The following PCDH9 variants were observed in gnomAD, a reference collection of about 807,000 sequenced individuals.
PCDH9 encodes the protein protocadherin-9.
In PCDH9, 24 loss-of-function variants were observed where a neutral mutation model predicts 70.6. That is an observed-to-expected ratio of 0.34 (90% CI 0.25 to 0.48). The LOEUF (loss-of-function observed/expected upper bound fraction) is 0.48. Among genes scored for constraint, PCDH9 ranks in the 20% least tolerant of loss-of-function variants. The pLI, the probability that PCDH9 is intolerant of heterozygous loss-of-function variation, is 0.99. For missense variants in PCDH9, 1,281 were observed against 1,503.6 expected (o/e 0.85, Z 2.45); for synonymous variants, 562 against 558.5 (o/e 1.01, Z -0.09).
intron 4 of PCDH9, among the ~76,000 whole-genome samples, chr13:66,388,034 A>G (rs1956959292): frequency 6.6e-6 from 1 of 152,180 alleles, no homozygotes; most frequent in African/African-American, 2.4e-5. Flanking sequence ...AATCCCTTGG[A>G]ATACGTATCT....
intron 2 of PCDH9, among the ~76,000 whole-genome samples, chr13:66,981,205 C>G (rs7986875): frequency 0.99 from 150,953 of 152,254 alleles, 74,843 homozygotes; most frequent in East Asian, 1. Context: ...TCGGGAGGCC[C>G]AGGCGGGCGG....
intron 4 of PCDH9, among the ~76,000 whole-genome samples, chr13:66,538,415 T>C (rs1277840658): frequency 6.6e-6 from 1 of 152,170 alleles, no homozygotes; most frequent in African/African-American, 2.4e-5. Flanking sequence ...CATTTCCCGA[T>C]TCTTCAATAT....
intron 4 of PCDH9, among the ~76,000 whole-genome samples, chr13:66,388,345 G>GT (rs758015197): frequency 2.3e-4 from 35 of 151,986 alleles, no homozygotes; most frequent in Non-Finnish European, 4.9e-4. Flanking sequence ...ACTGATTTTA[G>GT]TTTTTTTCAT....
chr13:66,434,261 A>C (rs1957827410), intron 4 of PCDH9, among the ~76,000 whole-genome samples: 1 of 151,934 alleles, frequency 6.6e-6, no homozygotes, highest in African/African-American at 2.4e-5. Context: ...CTTACAAACA[A>C]AAACCAGGGA....
intron 4 of PCDH9, among the ~76,000 whole-genome samples, chr13:66,356,016 T>C (rs936888096): frequency 6.6e-6 from 1 of 152,076 alleles, no homozygotes; most frequent in African/African-American, 2.4e-5. Flanking sequence ...AAAAAAATTA[T>C]TAAATAAGAT....
intron 2 of PCDH9, among the ~76,000 whole-genome samples, chr13:67,150,756 C>G (rs1015589772): frequency 1.3e-5 from 2 of 152,180 alleles, no homozygotes; most frequent in African/African-American, 4.8e-5. Context: ...GTAACTTGTA[C>G]TCGCCCTTTG....
chr13:66,909,254 T>C (rs1241939836), intron 2 of PCDH9, among the ~76,000 whole-genome samples: 2 of 151,950 alleles, frequency 1.3e-5, no homozygotes, highest in Non-Finnish European at 2.9e-5. Context: ...AGTTGAAAGA[T>C]CTTTACAAGA....
At chr13:66,483,012 A>C (rs1958868674) in intron 4 of PCDH9, among the ~76,000 whole-genome samples, 2 of 152,178 alleles carry the variant, frequency 1.3e-5, no homozygotes, top group Admixed American at 1.3e-4. Flanking sequence ...TTTGCTTTGG[A>C]ATTCATGGCC....
At chr13:66,505,243 T>C (rs930290730) in intron 4 of PCDH9, among the ~76,000 whole-genome samples, 2 of 152,188 alleles carry the variant, frequency 1.3e-5, no homozygotes, top group African/African-American at 4.8e-5. Flanking sequence ...AAGACATACA[T>C]GAGACTGGGT....
chr13:66,719,422 A>T (rs1483222470), intron 3 of PCDH9, among the ~76,000 whole-genome samples: 1 of 152,148 alleles, frequency 6.6e-6, no homozygotes, highest in African/African-American at 2.4e-5. Context: ...TAGTGTTATT[A>T]TGAAAGAGAT....
intron 4 of PCDH9, among the ~76,000 whole-genome samples, chr13:66,387,479 G>A (rs1593896236): frequency 6.6e-6 from 1 of 151,458 alleles, no homozygotes; most frequent in East Asian, 2.0e-4. Flanking sequence ...CCCCATGAAC[G>A]GCTTGGTGCC....
At chr13:66,779,879 G>A (rs1168508439) in intron 3 of PCDH9, among the ~76,000 whole-genome samples, 5 of 124,992 alleles carry the variant, frequency 4.0e-5, no homozygotes, top group East Asian at 2.2e-4. Flanking sequence ...ATATATGTGT[G>A]TGTGTGTGTG....
chr13:66,631,045 A>G (rs2077564545), intron 4 of PCDH9, among the ~76,000 whole-genome samples, 165 bp downstream of exon 4: 1 of 152,212 alleles, frequency 6.6e-6, no homozygotes. Context: ...CCAAAATCAT[A>G]TCAAACATAT....
At chr13:66,405,044 G>A (rs1957256260) in intron 4 of PCDH9, among the ~76,000 whole-genome samples, 7 of 151,912 alleles carry the variant, frequency 4.6e-5, no homozygotes, top group Admixed American at 4.6e-4. Flanking sequence ...GATAAAGATG[G>A]GCTGACATTT....
intron 3 of PCDH9, among the ~76,000 whole-genome samples, chr13:66,687,233 C>T (rs2139074693): frequency 6.6e-6 from 1 of 152,260 alleles, no homozygotes; most frequent in Middle Eastern, 3.4e-3. Context: ...CAATAACATG[C>T]ATGAATCACC....
At chr13:66,869,937 C>A (rs1234149918) in intron 3 of PCDH9, among the ~76,000 whole-genome samples, 1 of 152,060 alleles carries the variant, frequency 6.6e-6, no homozygotes, top group East Asian at 1.9e-4. Context: ...CAAAGTCTTA[C>A]TTGTCAATTT....
At chr13:67,211,545 A>G (rs994130215) in intron 2 of PCDH9, 1 of 152,080 alleles carries the variant, frequency 6.6e-6, no homozygotes, top group Non-Finnish European at 1.5e-5. Context: ...TATGTAAGTT[A>G]GTGTTTTAGA....
chr13:66,989,302 T>C (rs995958849), intron 2 of PCDH9, among the ~76,000 whole-genome samples: 1 of 151,926 alleles, frequency 6.6e-6, no homozygotes, highest in East Asian at 1.9e-4. Flanking sequence ...ATTTTCCACA[T>C]CTGGCCCACC....
intron 4 of PCDH9, among the ~76,000 whole-genome samples, chr13:66,379,719 C>A (rs904446388): frequency 6.6e-6 from 1 of 152,096 alleles, no homozygotes; most frequent in Admixed American, 6.6e-5. Context: ...GGCATAGTAT[C>A]TTAGTAGTTT....
Sources: allele counts gnomAD v4.1 joint callset (sites outside exome capture counted in the v4.1 genomes callset), GRCh38; gene constraint gnomAD v4.1.1; transcripts MANE v1.5; gene names NCBI Gene and HGNC (gene_info 2026-07-23, HGNC 2026-07-21).